The following TAF2 variants were observed in gnomAD, a reference collection of about 807,000 sequenced individuals.
TAF2 encodes TATA-box binding protein associated factor 2, also known as transcription initiation factor TFIID subunit 2.
In TAF2, 61 loss-of-function variants were observed where a neutral mutation model predicts 138.5. The ratio of observed to expected loss-of-function variants is 0.44; its 90% CI spans 0.36 to 0.54. TAF2 has a LOEUF of 0.54. Among genes scored for constraint, TAF2 ranks in the 20% least tolerant of loss-of-function variants. The pLI is 0.00. For missense variants in TAF2, 1,090 were observed against 1,427.9 expected (o/e 0.76, Z 3.81); for synonymous variants, 475 against 469.9 (o/e 1.01, Z -0.14).
At chr8:119,735,915 C>G (rs1232287462) in intron 25 of TAF2, among the ~76,000 whole-genome samples, 1 of 152,158 alleles carries the variant, frequency 6.6e-6, no homozygotes, top group Non-Finnish European at 1.5e-5. Context: ...ATTCTTTTAG[C>G]TTCCATCTCA....
intron 18 of TAF2, among the ~76,000 whole-genome samples, chr8:119,772,454 G>A (rs866441801): frequency 4.6e-5 from 7 of 152,198 alleles, no homozygotes; most frequent in East Asian, 1.9e-4. Context: ...CCAAAAGAGC[G>A]GAGGCTAGGA....
At chr8:119,791,642 G>A in intron 10 of TAF2, 183 bp from the exon 11 acceptor site, 2 of 600,240 alleles carry the variant, frequency 3.3e-6, no homozygotes, top group Non-Finnish European at 5.5e-6. Context: ...TTTTACTTAA[G>A]GACATAAAGG....
intron 5 of TAF2, among the ~76,000 whole-genome samples, chr8:119,802,543 T>A (rs1824336821): frequency 6.6e-6 from 1 of 152,210 alleles, no homozygotes; most frequent in Admixed American, 6.5e-5. Context: ...AGGTGTTACG[T>A]GACAGGGTAG....
At chr8:119,772,860 C>A (rs1484584219) in intron 18 of TAF2, among the ~76,000 whole-genome samples, 1 of 151,252 alleles carries the variant, frequency 6.6e-6, no homozygotes, top group African/African-American at 2.4e-5. Context: ...TCACTTGAAC[C>A]CAGGAGGTGG....
intron 17 of TAF2, among the ~76,000 whole-genome samples, chr8:119,780,073 T>G (rs139266880): frequency 6.6e-6 from 1 of 152,288 alleles, no homozygotes; most frequent in African/African-American, 2.4e-5. Context: ...CTTGAAAGAA[T>G]AGGCTTCATT....
intron 25 of TAF2, among the ~76,000 whole-genome samples, chr8:119,734,620 T>C (rs1241215556): frequency 1.3e-5 from 2 of 152,312 alleles, no homozygotes; most frequent in African/African-American, 4.8e-5. Context: ...CCTTATTTCT[T>C]GTCTAACTGA....
At chr8:119,775,119 A>G (rs1822130099) in intron 18 of TAF2, among the ~76,000 whole-genome samples, 2 of 151,712 alleles carry the variant, frequency 1.3e-5, no homozygotes, top group African/African-American at 4.8e-5. Context: ...TCTCTACTAA[A>G]AAAATACAAA....
At chr8:119,817,380 G>A (rs1257585419) in intron 3 of TAF2, among the ~76,000 whole-genome samples, 10 of 152,056 alleles carry the variant, frequency 6.6e-5, no homozygotes, top group Non-Finnish European at 7.4e-5. Context: ...TGTGAACTGC[G>A]CATGCAAGAG....
At chr8:119,831,592 C>T in intron 2 of TAF2, 85 bp downstream of exon 2, 1 of 1,031,430 alleles carries the variant, frequency 9.7e-7, no homozygotes, top group Non-Finnish European at 1.5e-6. Context: ...TGGAAGACTA[C>T]AAACTTTCTA....
intron 2 of TAF2, among the ~76,000 whole-genome samples, chr8:119,829,486 C>CTAAA (rs1332291287): frequency 6.6e-6 from 1 of 151,934 alleles, no homozygotes; most frequent in Non-Finnish European, 1.5e-5. Context: ...TAACTCTGTT[C>CTAAA]TAAATACTCC....
intron 3 of TAF2, among the ~76,000 whole-genome samples, chr8:119,815,406 C>G (rs973776706): frequency 4.0e-5 from 6 of 151,658 alleles, no homozygotes; most frequent in African/African-American, 1.5e-4. Flanking sequence ...TCCAGAGTAG[C>G]TGGGACTACA....
intron 2 of TAF2, among the ~76,000 whole-genome samples, chr8:119,828,020 A>G (rs966709149): frequency 6.6e-6 from 1 of 151,678 alleles, no homozygotes; most frequent in South Asian, 2.1e-4. Flanking sequence ...TGGGATTACA[A>G]GCGTGAGCCA....
intron 12 of TAF2, among the ~76,000 whole-genome samples, chr8:119,789,179 T>C (rs1450707821): frequency 6.6e-6 from 1 of 152,124 alleles, no homozygotes; most frequent in East Asian, 1.9e-4. Context: ...AAGTGAAAAA[T>C]GCAAAAACTG....
Position 119,732,067 on chromosome 8 carries a change from C to T in TAF2, c.3457G>A (p.Glu1153Lys). The T allele has an allele frequency of 6.2e-7, 1 of 1,614,060 alleles. No individual in the cohort carries two copies. Among genetic ancestry groups the T allele is most frequent in the Non-Finnish European group, 8.5e-7 (1 of 1,179,994 alleles). The change falls in exon 26 of 26, where the codon GAG (glutamate) becomes AAG (lysine). Residue 1153 changes from glutamate (E) to lysine (K), a missense_variant. Around this residue, in one of 3 missense-constraint regions of TAF2, gnomAD observed 580 missense variants for 719.6 expected, o/e 0.81. Coordinates refer to ENST00000378164, the MANE Select transcript of TAF2 (RefSeq NM_003184.4). ...HSDHHHHHHH[E>K]HKKKKKKHKH... The stretch of plus-strand genomic sequence containing the variant: ...TGCTTCTTCTTCTTTTTCTTGTGCT[C>T]ATGGTGATGGTGGTGATGGTGGTCA...
At chr8:119,762,259 T>C (rs1401317688) in intron 19 of TAF2, among the ~76,000 whole-genome samples, 156 bp downstream of exon 19, 1 of 152,190 alleles carries the variant, frequency 6.6e-6, no homozygotes, top group Non-Finnish European at 1.5e-5. Context: ...AAGGACATTC[T>C]CCAAATACTA....
chr8:119,832,717 C>A lies in TAF2; in HGVS notation c.-153G>T. 3.3e-6 allele frequency: 2 copies of A among 606,802 alleles called. No individual in the cohort carries two copies. Among genetic ancestry groups the A allele is most frequent in the Non-Finnish European group, 5.6e-6 (2 of 357,638 alleles). 37.6% of individuals were successfully genotyped at this position (606,802 alleles called of 1,614,324 possible). ...AGGTGAGCGACCTGACGGGTCGCTGCCCGCCTCAACCTCGCTCCTTCGACT... is the reference window on the plus strand; with the variant it reads ...AGGTGAGCGACCTGACGGGTCGCTGACCGCCTCAACCTCGCTCCTTCGACT... On this transcript the variant is annotated 5_prime_UTR_variant, in exon 1 of 26. Coordinates refer to ENST00000378164, the MANE Select transcript of TAF2 (RefSeq NM_003184.4).
chr8:119,830,748 C>G (rs1314115516), intron 2 of TAF2, among the ~76,000 whole-genome samples: 1 of 152,068 alleles, frequency 6.6e-6, no homozygotes, highest in African/African-American at 2.4e-5. Context: ...CAAGGAAAAC[C>G]AGCTCTCATT....
At chr8:119,777,091 G>A (rs4871591) in intron 18 of TAF2, among the ~76,000 whole-genome samples, 9,606 of 152,192 alleles carry the variant, frequency 0.063, 443 homozygotes, top group South Asian at 0.19. Flanking sequence ...CATTTACATT[G>A]TATTAGGTAG....
In TAF2 at chr8:119,789,453, A is replaced by G. The variant is rs369302091; in HGVS notation, c.1568+139T>C. 6 of 1,044,104 alleles carry G rather than the reference A, an allele frequency of 5.7e-6. No homozygotes were observed. The African/African-American group carries it at 7.9e-5, about 14-fold the overall frequency. The allele number at this position is 1,044,104 out of a possible 1,614,324, so 64.7% of individuals were successfully genotyped here. A position where few individuals can be genotyped will look rare whatever the true frequency, so the allele number is the denominator to read the frequency against. ...TAGATGAAACAATTCACAGTTCATC[A>G]TTATTTCTACCATTGTTTAGAAATA... On this transcript the variant is annotated intron_variant, in intron 12 of 25. Transcript: ENST00000378164.
Sources: gnomAD v4.1 joint callset for allele counts (sites outside exome capture counted in the v4.1 genomes callset) on GRCh38, gnomAD v4.1.1 for gene constraint, gnomAD v4.1.1 regional missense constraint, MANE v1.5 for transcripts, NCBI Gene and HGNC (gene_info 2026-07-23, HGNC 2026-07-21) for gene names.